Variants in ARAP2 observed in about 807,000 individuals in gnomAD.
The protein encoded by ARAP2 is ArfGAP with RhoGAP domain, ankyrin repeat and PH domain 2, also known as arf-GAP with Rho-GAP domain, ANK repeat and PH domain-containing protein 2.
A neutral mutation model predicts 194.5 loss-of-function variants in ARAP2; 148 were observed. The observed-to-expected ratio is 0.76, with a 90% CI of 0.67 to 0.87. The LOEUF (loss-of-function observed/expected upper bound fraction) is 0.87, where lower values mean the gene tolerates loss of function less well. ARAP2 is among the 40% of genes least tolerant of loss of function. The pLI, the probability that ARAP2 is intolerant of heterozygous loss-of-function variation, is 0.00. For synonymous variants in ARAP2, 695 were observed against 683.5 expected (o/e 1.02, Z -0.26); for missense variants, 2,128 against 1,989.7 (o/e 1.07, Z -1.32).
At position 36,156,395 on chromosome 4, in the gene ARAP2, GAAAGAAAGAAAGAAAGAAAGAA is replaced by G. The variant is rs1560549346; in HGVS notation, c.2752+2313_2752+2334del. ...GGAGGGGGAAAGAGAGAGAGAGAAA[GAAAGAAAGAAAGAAAGAAAGAA>G]AGAAAGAAAGAAAGAAAGAAAGAAA... On this transcript the variant is annotated intron_variant, in intron 15 of 32. Coordinates refer to ENST00000303965, the MANE Select transcript of ARAP2 (RefSeq NM_015230.4). Among the ~76,000 whole-genome samples the G allele has an allele frequency of 3.3e-3, 49 of 14,658 alleles. 2 individuals are homozygous for G. The highest frequency in any genetic ancestry group is 9.8e-3 in the South Asian group (2 of 204). The allele number at this position is 14,658 out of a possible 152,430, so 9.6% of individuals were successfully genotyped here.
chr4:36,080,017 C>T (rs933188775), intron 31 of ARAP2, among the ~76,000 whole-genome samples, 199 bp downstream of exon 31: 1 of 152,148 alleles, frequency 6.6e-6, no homozygotes, highest in African/African-American at 2.4e-5. Context: ...ATGGAATAAA[C>T]TCTCTTTCAA....
At chr4:36,209,275 T>A in intron 6 of ARAP2, 1 of 358,740 alleles carries the variant, frequency 2.8e-6, no homozygotes, top group African/African-American at 2.2e-5. Flanking sequence ...GTTCGACATC[T>A]GAATATGCAC....
At chr4:36,081,363 AG>A (rs1353801208) in intron 30 of ARAP2, among the ~76,000 whole-genome samples, 52 of 152,186 alleles carry the variant, frequency 3.4e-4, no homozygotes, top group African/African-American at 1.2e-3. Flanking sequence ...AGAAGTGAAA[AG>A]TATGAACAAA....
At chr4:36,241,197 T>C (rs1166152220) in intron 1 of ARAP2, among the ~76,000 whole-genome samples, 2 of 152,230 alleles carry the variant, frequency 1.3e-5, no homozygotes, top group Non-Finnish European at 2.9e-5. Flanking sequence ...TTTCTCTGAA[T>C]GTAAGTCATA....
chr4:36,210,520 A>T lies in ARAP2; in HGVS notation c.1357T>A (p.Leu453Ile). 6.2e-7 allele frequency: 1 copy of T among 1,613,956 alleles called. No individual in the cohort carries two copies. The highest frequency in any genetic ancestry group is 1.1e-5 in the South Asian group (1 of 91,082). The change falls in exon 6 of 33, where the codon TTA (leucine) becomes ATA (isoleucine). Residue 453 changes from leucine to isoleucine, a missense_variant. Coordinates refer to ENST00000303965, the MANE Select transcript of ARAP2 (RefSeq NM_015230.4). Reference sequence around the variant, plus strand: ...TCAGCATTTCCACTTGTTGAGCTTAACGGATAACTGTGCCTATTAACGGAG... The same window carrying T: ...TCAGCATTTCCACTTGTTGAGCTTATCGGATAACTGTGCCTATTAACGGAG... ...LDSVNRHSYP[L>I]SSTSGNADSS...
chr4:36,225,459 G>A (rs1222668049), intron 2 of ARAP2, among the ~76,000 whole-genome samples: 1 of 151,932 alleles, frequency 6.6e-6, no homozygotes, highest in Non-Finnish European at 1.5e-5. Context: ...GGGCTCCCAG[G>A]GACTAGCAAG....
intron 26 of ARAP2, 143 bp downstream of exon 26, chr4:36,114,027 C>A: frequency 3.1e-6 from 2 of 653,352 alleles, no homozygotes; most frequent in Non-Finnish European, 5.3e-6. Context: ...AAAAGGCAAC[C>A]TCAAACATAT....
intron 11 of ARAP2, 71 bp from the exon 12 acceptor site, chr4:36,161,621 A>C: frequency 7.9e-7 from 1 of 1,263,152 alleles, no homozygotes; most frequent in Non-Finnish European, 1.2e-6. Context: ...TTTTGAAAGA[A>C]AGTGCATATG....
At chr4:36,021,793 C>T (rs1716990759) in intron 5 of ARAP2, among the ~76,000 whole-genome samples, 1 of 152,062 alleles carries the variant, frequency 6.6e-6, no homozygotes, top group Non-Finnish European at 1.5e-5. Context: ...ATAAGAGAAC[C>T]ATTGGTGAGC....
chr4:36,140,404 C>A (rs1258739696), intron 19 of ARAP2, among the ~76,000 whole-genome samples: 2 of 151,648 alleles, frequency 1.3e-5, no homozygotes, highest in Non-Finnish European at 3.0e-5. Context: ...TTGTAATAGT[C>A]TCTTTCTTTT....
chr4:36,140,344 C>G (rs1578041010), intron 19 of ARAP2, among the ~76,000 whole-genome samples: 1 of 151,718 alleles, frequency 6.6e-6, no homozygotes, highest in Admixed American at 6.6e-5. Context: ...AATAGACATA[C>G]ATTCCCTTCT....
At chr4:36,058,676 T>C (rs542961623) in intron 1 of ARAP2, among the ~76,000 whole-genome samples, 1 of 152,252 alleles carries the variant, frequency 6.6e-6, no homozygotes, top group South Asian at 2.1e-4. Context: ...CCATGATTCA[T>C]TCATTCAATA....
intron 19 of ARAP2, among the ~76,000 whole-genome samples, chr4:36,146,339 T>C (rs1729615900): frequency 6.6e-6 from 1 of 151,952 alleles, no homozygotes; most frequent in African/African-American, 2.4e-5. Flanking sequence ...ATCAGACCAT[T>C]CCACTCCCCA....
intron 27 of ARAP2, among the ~76,000 whole-genome samples, chr4:36,101,357 A>G (rs1326568973): frequency 6.7e-6 from 1 of 150,252 alleles, no homozygotes; most frequent in Non-Finnish European, 1.5e-5. Flanking sequence ...TTATAAATAT[A>G]GTTACTATTG....
In ARAP2 at chr4:36,037,044, A is replaced by C. The variant is rs535874611; in HGVS notation, n.607+8935T>G. Among the ~76,000 whole-genome samples, 31 of 152,206 alleles carry C rather than the reference A, an allele frequency of 2.0e-4. 1 individual carries two copies. Among genetic ancestry groups the C allele is most frequent in the South Asian group, 1.5e-3 (7 of 4,818 alleles). ...TTTCTCTGGGCTAAGTGTCTTCCCT[A>C]ATTCTTCATACAGCATGGTTTCTAG... On this transcript the variant is annotated intron_variant and non_coding_transcript_variant, in intron 5 of 12. Coordinates refer to the ARAP2 transcript ENST00000503225.
intron 15 of ARAP2, among the ~76,000 whole-genome samples, chr4:36,154,319 T>A (rs1021183097): frequency 6.6e-6 from 1 of 152,170 alleles, no homozygotes. Context: ...GATTTAGCCT[T>A]GGAAAAACAT....
intron 9 of ARAP2, among the ~76,000 whole-genome samples, chr4:36,011,018 G>A (rs1271351830): frequency 1.3e-5 from 2 of 152,114 alleles, no homozygotes; most frequent in African/African-American, 2.4e-5. Flanking sequence ...GGTAGTTGAG[G>A]TTTTAAGGTC....
chr4:36,178,661 A>G (rs1473251618), intron 8 of ARAP2, among the ~76,000 whole-genome samples: 1 of 152,232 alleles, frequency 6.6e-6, no homozygotes, highest in Non-Finnish European at 1.5e-5. Context: ...CTAGTCCCCA[A>G]GGAGCAATTA....
chr4:36,042,849 T>C (rs73225562), intron 5 of ARAP2, among the ~76,000 whole-genome samples: 52 of 33,910 alleles, frequency 1.5e-3, no homozygotes, highest in African/African-American at 3.3e-3. Context: ...TTTTCTTCTT[T>C]TTTTTTTTTT....
Sources: gnomAD v4.1 joint callset for allele counts (sites outside exome capture counted in the v4.1 genomes callset) on GRCh38, gnomAD v4.1.1 for gene constraint, MANE v1.5 for transcripts, NCBI Gene and HGNC (gene_info 2026-07-23, HGNC 2026-07-21) for gene names.